The following LRRC4C variants were observed in gnomAD, a reference collection of about 807,000 sequenced individuals.
LRRC4C encodes leucine-rich repeat-containing protein 4C.
In LRRC4C, 5 loss-of-function variants were observed where a neutral mutation model predicts 33.6. The observed-to-expected ratio is 0.15, with a 90% CI of 0.08 to 0.31. The LOEUF is 0.31. Ranked by LOEUF, LRRC4C falls within the 10% of genes least tolerant of loss-of-function variation. The pLI is 1.00. For synonymous variants in LRRC4C, 329 were observed against 302.0 expected (o/e 1.09, Z -0.93); for missense variants, 560 against 796.7 (o/e 0.70, Z 3.58).
intron 3 of LRRC4C, among the ~76,000 whole-genome samples, chr11:40,626,450 A>G (rs1008512996): frequency 1.3e-5 from 2 of 151,890 alleles, no homozygotes; most frequent in African/African-American, 4.8e-5. Context: ...TTTTTTTTTG[A>G]CCAGTATGTT....
intron 3 of LRRC4C, among the ~76,000 whole-genome samples, chr11:40,515,434 A>G (rs2135176230): frequency 6.6e-6 from 1 of 152,208 alleles, no homozygotes; most frequent in East Asian, 1.9e-4. Flanking sequence ...GTGAATAATT[A>G]TATTGTCTAA....
intron 2 of LRRC4C, among the ~76,000 whole-genome samples, chr11:40,704,352 C>G (rs193105057): frequency 9.9e-5 from 15 of 151,992 alleles, no homozygotes; most frequent in Non-Finnish European, 2.2e-4. Flanking sequence ...AATGAGAGAC[C>G]TGCAAAACAA....
At chr11:40,451,430 G>A (rs1239074779) in intron 3 of LRRC4C, among the ~76,000 whole-genome samples, 1 of 119,072 alleles carries the variant, frequency 8.4e-6, no homozygotes, top group Non-Finnish European at 1.6e-5. Context: ...CTATTGCCTG[G>A]GCCGGAGTGC....
At chr11:41,357,721 C>G (rs577553639) in intron 1 of LRRC4C, among the ~76,000 whole-genome samples, 1 of 152,034 alleles carries the variant, frequency 6.6e-6, no homozygotes, top group Non-Finnish European at 1.5e-5. Flanking sequence ...AAAGCCATAG[C>G]TATAATAACA....
chr11:41,429,104 C>T (rs1190868462), intron 1 of LRRC4C, among the ~76,000 whole-genome samples: 2 of 152,114 alleles, frequency 1.3e-5, no homozygotes, highest in Non-Finnish European at 2.9e-5. Flanking sequence ...TCATGCTGTT[C>T]TCTTGATAGA....
chr11:41,143,656 C>G (rs1274456579), intron 1 of LRRC4C, among the ~76,000 whole-genome samples: 1 of 152,152 alleles, frequency 6.6e-6, no homozygotes, highest in Non-Finnish European at 1.5e-5. Flanking sequence ...TCGATCCTAG[C>G]TACAATAACC....
At chr11:40,598,135 T>C (rs1318093259) in intron 3 of LRRC4C, among the ~76,000 whole-genome samples, 4 of 152,194 alleles carry the variant, frequency 2.6e-5, no homozygotes, top group African/African-American at 9.6e-5. Flanking sequence ...GTCTAGTTAT[T>C]TTTAGTGAGG....
intron 1 of LRRC4C, among the ~76,000 whole-genome samples, chr11:41,303,543 C>T (rs1156836817): frequency 2.1e-3 from 211 of 101,446 alleles, no homozygotes; most frequent in Non-Finnish European, 3.0e-3. Context: ...TCTGCCTGGC[C>T]GCCCATCGTC....
chr11:41,433,290 C>T (rs944098776), intron 1 of LRRC4C, among the ~76,000 whole-genome samples: 2 of 151,994 alleles, frequency 1.3e-5, no homozygotes, highest in African/African-American at 2.4e-5. Flanking sequence ...CTCCACTTTC[C>T]CTCTATAATT....
chr11:40,746,535 G>A (rs1331798858), intron 2 of LRRC4C, among the ~76,000 whole-genome samples: 1 of 152,178 alleles, frequency 6.6e-6, no homozygotes, highest in Non-Finnish European at 1.5e-5. Context: ...TCTTGGCAGG[G>A]CAGCAGCACA....
At chr11:40,343,333 T>A (rs1461776175) in intron 3 of LRRC4C, among the ~76,000 whole-genome samples, 10 of 140,840 alleles carry the variant, frequency 7.1e-5, no homozygotes, top group Non-Finnish European at 1.6e-4. Context: ...TATTAAGCAC[T>A]AAAACTTACA....
chr11:40,803,801 A>G (rs932429564), intron 2 of LRRC4C, among the ~76,000 whole-genome samples: 11 of 152,116 alleles, frequency 7.2e-5, no homozygotes, highest in Non-Finnish European at 1.3e-4. Flanking sequence ...AGTACATAGT[A>G]GGTATATATT....
chr11:40,833,242 G>A (rs1178598242), intron 2 of LRRC4C, among the ~76,000 whole-genome samples: 1 of 151,964 alleles, frequency 6.6e-6, no homozygotes, highest in Non-Finnish European at 1.5e-5. Flanking sequence ...TCTCTGCTGG[G>A]CATTATTATC....
intron 1 of LRRC4C, among the ~76,000 whole-genome samples, chr11:40,966,372 T>C (rs1281699652): frequency 6.6e-6 from 1 of 151,946 alleles, no homozygotes; most frequent in Non-Finnish European, 1.5e-5. Context: ...CTGTTCTTGC[T>C]GGGGAATGAA....
At chr11:40,920,043 A>G (rs1957112518) in intron 2 of LRRC4C, among the ~76,000 whole-genome samples, 1 of 152,138 alleles carries the variant, frequency 6.6e-6, no homozygotes, top group Non-Finnish European at 1.5e-5. Context: ...CTCTAGTGAC[A>G]GGAAGGTCAT....
At chr11:41,236,924 T>C (rs564912025) in intron 1 of LRRC4C, among the ~76,000 whole-genome samples, 11 of 152,350 alleles carry the variant, frequency 7.2e-5, no homozygotes, top group African/African-American at 2.4e-4. Context: ...ATTAGCATTG[T>C]TGTAAAGTGC....
chr11:41,410,803 TATC>T (rs1954446231), intron 1 of LRRC4C, among the ~76,000 whole-genome samples: 1 of 152,112 alleles, frequency 6.6e-6, no homozygotes, highest in Admixed American at 6.5e-5. Context: ...AGAATTAGAA[TATC>T]ATCACATTAT....
intron 1 of LRRC4C, among the ~76,000 whole-genome samples, chr11:41,107,750 C>A (rs907379906): frequency 5.9e-5 from 9 of 152,086 alleles, no homozygotes; most frequent in Non-Finnish European, 1.3e-4. Context: ...CCAGCCTGGC[C>A]AACATGGCGA....
At chr11:40,260,962 C>T in intron 4 of LRRC4C, among the ~76,000 whole-genome samples, 1 of 152,126 alleles carries the variant, frequency 6.6e-6, no homozygotes, top group East Asian at 1.9e-4. Flanking sequence ...CTCACTGTAA[C>T]TTTGAACTTC....
Sources: gnomAD v4.1 joint callset for allele counts (sites outside exome capture counted in the v4.1 genomes callset) on GRCh38, gnomAD v4.1.1 for gene constraint, MANE v1.5 for transcripts, NCBI Gene and HGNC (gene_info 2026-07-23, HGNC 2026-07-21) for gene names.